The following NOX4 variants were observed in gnomAD, a reference collection of about 807,000 sequenced individuals.
NOX4 encodes the protein NADPH oxidase 4.
Under a neutral mutation model 87.6 loss-of-function variants are expected in NOX4, and 69 were observed. That is an observed-to-expected ratio of 0.79 (90% CI 0.65 to 0.96). NOX4 has a LOEUF of 0.96. Ranked by LOEUF, NOX4 falls within the 40% of genes least tolerant of loss-of-function variation. The pLI, the probability that NOX4 is intolerant of heterozygous loss-of-function variation, is 0.00. For synonymous variants in NOX4, 275 were observed against 238.2 expected (o/e 1.15, Z -1.42); for missense variants, 680 against 681.5 (o/e 1.00, Z 0.02).
the NOX4 span, among the ~76,000 whole-genome samples, chr11:89,523,668 A>T: frequency 7.9e-5 from 12 of 152,326 alleles, no homozygotes; most frequent in Admixed American, 4.6e-4. Flanking sequence ...AAAAAATTAC[A>T]CATGACTGTT....
chr11:89,447,788 T>G (rs1420263288), intron 4 of NOX4, among the ~76,000 whole-genome samples: 1 of 152,130 alleles, frequency 6.6e-6, no homozygotes, highest in Admixed American at 6.6e-5. Flanking sequence ...CTCTCCCTAA[T>G]CTATCTCTAA....
the NOX4 span, among the ~76,000 whole-genome samples, chr11:89,504,673 G>A: frequency 6.6e-6 from 1 of 151,906 alleles, no homozygotes; most frequent in Non-Finnish European, 1.5e-5. Context: ...TATACATCAG[G>A]ATATTTGTAA....
the NOX4 span, among the ~76,000 whole-genome samples, chr11:89,528,351 G>A: frequency 1.0e-3 from 154 of 152,268 alleles, 1 homozygote; most frequent in African/African-American, 3.7e-3. Flanking sequence ...TTAAGACTTT[G>A]AGGGACTACT....
intron 12 of NOX4, among the ~76,000 whole-genome samples, chr11:89,360,518 G>GA (rs1938438480): frequency 6.6e-6 from 1 of 151,970 alleles, no homozygotes; most frequent in Non-Finnish European, 1.5e-5. Context: ...CTTGGAAAAA[G>GA]AAAAAATAAA....
chr11:89,447,049 T>C (rs1053635701), intron 4 of NOX4, among the ~76,000 whole-genome samples: 29 of 151,934 alleles, frequency 1.9e-4, no homozygotes, highest in African/African-American at 6.8e-4. Flanking sequence ...TACAGAAAAA[T>C]AGTCTTTAAA....
chr11:89,347,054 C>T (rs1946246290), intron 13 of NOX4, among the ~76,000 whole-genome samples: 5 of 152,088 alleles, frequency 3.3e-5, no homozygotes, highest in Admixed American at 2.6e-4. Context: ...ATTTCACATA[C>T]TATATAAAAG....
At chr11:89,331,533 C>T (rs1335724981) in intron 17 of NOX4, among the ~76,000 whole-genome samples, 1 of 151,544 alleles carries the variant, frequency 6.6e-6, no homozygotes, top group Non-Finnish European at 1.5e-5. Context: ...CATAATGTAG[C>T]TTCCATTAAA....
intron 17 of NOX4, among the ~76,000 whole-genome samples, chr11:89,333,284 TAAAACAACA>T (rs1945554465): frequency 6.6e-6 from 1 of 151,570 alleles, no homozygotes; most frequent in South Asian, 2.1e-4. Context: ...AAGAAAAAAA[TAAAACAACA>T]AAAACAACAA....
At chr11:89,535,199 T>G in the NOX4 span, among the ~76,000 whole-genome samples, 1 of 152,204 alleles carries the variant, frequency 6.6e-6, no homozygotes, top group Non-Finnish European at 1.5e-5. Flanking sequence ...AAGTTAGCAT[T>G]TTTCTACTGT....
Position 89,330,297 on chromosome 11 carries a change from C to A in NOX4, c.1617-3421G>T, listed in dbSNP as rs1464465185. Among the ~76,000 whole-genome samples, 3 of 151,940 alleles carry A rather than the reference C, an allele frequency of 2.0e-5. No homozygotes were observed. In the East Asian group the frequency reaches 5.8e-4, roughly 29 times the overall value. On this transcript the variant is annotated intron_variant, in intron 17 of 17. Transcript: ENST00000263317. ...CCAGGAATTCAAGGTTGCAGTGAGT[C>A]TAGATCATGTCACTGCACTCTGGCC...
At chr11:89,357,519 T>C (rs1591010740) in intron 12 of NOX4, among the ~76,000 whole-genome samples, 1 of 152,258 alleles carries the variant, frequency 6.6e-6, no homozygotes, top group African/African-American at 2.4e-5. Flanking sequence ...GCAGTACTCA[T>C]TAAATGAGTA....
the NOX4 span, among the ~76,000 whole-genome samples, chr11:89,579,471 A>T: frequency 6.8e-6 from 1 of 148,116 alleles, no homozygotes; most frequent in Non-Finnish European, 1.5e-5. Context: ...AAACTGCTTT[A>T]AAAAAAAAAG....
the NOX4 span, among the ~76,000 whole-genome samples, chr11:89,524,767 T>C: frequency 6.6e-6 from 1 of 152,084 alleles, no homozygotes; most frequent in Admixed American, 6.6e-5. Flanking sequence ...CGTGAAATGG[T>C]TTAATCTGAC....
At chr11:89,544,951 G>A in the NOX4 span, among the ~76,000 whole-genome samples, 898 of 152,050 alleles carry the variant, frequency 5.9e-3, 5 homozygotes, top group Non-Finnish European at 0.01. Context: ...CAAAAAACTC[G>A]GTAGCAGCCA....
At chr11:89,467,666 C>T (rs1178733319) in intron 2 of NOX4, among the ~76,000 whole-genome samples, 1 of 152,176 alleles carries the variant, frequency 6.6e-6, no homozygotes, top group Non-Finnish European at 1.5e-5. Flanking sequence ...TTACCTTCAT[C>T]ACCTAATCAC....
At chr11:89,540,171 CA>C in the NOX4 span, among the ~76,000 whole-genome samples, 2 of 152,034 alleles carry the variant, frequency 1.3e-5, no homozygotes, top group East Asian at 3.9e-4. Flanking sequence ...TGCTCCTATT[CA>C]AAAAAGAGAA....
the NOX4 span, among the ~76,000 whole-genome samples, chr11:89,558,397 ACT>A: frequency 4.0e-5 from 6 of 151,820 alleles, no homozygotes; most frequent in Non-Finnish European, 7.4e-5. Flanking sequence ...TACTTTCAAG[ACT>A]CTTACTCTTA....
chr11:89,352,561 G>A (rs2134965420), intron 13 of NOX4, among the ~76,000 whole-genome samples: 1 of 152,262 alleles, frequency 6.6e-6, no homozygotes, highest in Middle Eastern at 3.4e-3. Flanking sequence ...TGATTCATGG[G>A]AGGAAGTCAT....
the NOX4 span, among the ~76,000 whole-genome samples, chr11:89,572,931 T>C: frequency 6.6e-6 from 1 of 152,116 alleles, no homozygotes; most frequent in Non-Finnish European, 1.5e-5. Context: ...TTATAATCTC[T>C]TTTCTTGCCT....
Sources: gnomAD v4.1 joint callset for allele counts (sites outside exome capture counted in the v4.1 genomes callset) on GRCh38, gnomAD v4.1.1 for gene constraint, MANE v1.5 for transcripts, NCBI Gene and HGNC (gene_info 2026-07-23, HGNC 2026-07-21) for gene names.